The following UGT3A2 variants were observed in gnomAD, a reference collection of about 807,000 sequenced individuals.
UGT3A2 encodes UDP-glycosyltransferase 3A2.
In UGT3A2, 32 loss-of-function variants were observed where a neutral mutation model predicts 39.8. The observed-to-expected ratio is 0.80, with a 90% CI of 0.61 to 1.08. UGT3A2 has a LOEUF of 1.08. UGT3A2 is among the 50% of genes least tolerant of loss of function. The pLI, the probability that UGT3A2 is intolerant of heterozygous loss-of-function variation, is 0.00. For missense variants in UGT3A2, 611 were observed against 637.1 expected (o/e 0.96, Z 0.44); for synonymous variants, 241 against 230.7 (o/e 1.04, Z -0.40).
In UGT3A2 at chr5:36,039,654, A is replaced by G; in HGVS notation, c.898T>C (p.Leu300=). The change falls in exon 5 of 7, where the codon TTG becomes CTG. Residue 300 remains leucine, a synonymous_variant. Coordinates refer to ENST00000282507, the MANE Select transcript of UGT3A2 (RefSeq NM_174914.4). Reference sequence around the variant, plus strand: ...TGACAGGTGTTCACCATGGAGCCCAAGGTCACAAGGACAAAACCAGAGTCC... The same window carrying G: ...TGACAGGTGTTCACCATGGAGCCCAGGGTCACAAGGACAAAACCAGAGTCC... ...FGDSGFVLVT[L]GSMVNTCQNP... 6.2e-7 allele frequency: 1 copy of G among 1,614,218 alleles called. No homozygotes were observed. Among genetic ancestry groups the G allele is most frequent in the East Asian group, 2.2e-5 (1 of 44,886 alleles).
intron 4 of UGT3A2, among the ~76,000 whole-genome samples, chr5:36,046,027 C>T (rs1403031989): frequency 6.6e-6 from 1 of 152,184 alleles, no homozygotes; most frequent in Non-Finnish European, 1.5e-5. Context: ...AAGGTTTGCT[C>T]AGTGTCACTG....
intron 2 of UGT3A2, 120 bp from the exon 3 acceptor site, chr5:36,052,104 A>G: frequency 4.6e-6 from 3 of 659,074 alleles, no homozygotes; most frequent in Non-Finnish European, 7.5e-6. Flanking sequence ...GATTGCTTCA[A>G]GTATTTTTTA....
chr5:36,064,298 G>C lies in UGT3A2; in HGVS notation c.147C>G (p.His49Gln). ...MDRVSQILQD[H>Q]GHNVTMLNHK... Reference sequence around the variant, plus strand: ...GGTTAAGCATGGTGACATTATGACCGTGATCTTGAAGAATCTGAGAAACCC... The same window carrying C: ...GGTTAAGCATGGTGACATTATGACCCTGATCTTGAAGAATCTGAGAAACCC... The change falls in exon 2 of 7, where the codon CAC becomes CAG. Residue 49 changes from histidine to glutamine, a missense_variant. Transcript: ENST00000282507. 2 of 1,614,110 alleles carry C rather than the reference G, an allele frequency of 1.2e-6. No individual in the cohort carries two copies. The highest frequency in any genetic ancestry group is 1.7e-6 in the Non-Finnish European group (2 of 1,180,014).
At chr5:36,052,994 C>A (rs1173404538) in intron 2 of UGT3A2, among the ~76,000 whole-genome samples, 1 of 152,228 alleles carries the variant, frequency 6.6e-6, no homozygotes, top group Non-Finnish European at 1.5e-5. Flanking sequence ...AACAGGCTCT[C>A]AGCCACAGTG....
In UGT3A2 at chr5:36,049,329, T is replaced by G; in HGVS notation, c.403A>C (p.Lys135Gln). 1 of 1,614,104 alleles carries G rather than the reference T, an allele frequency of 6.2e-7. No homozygotes were observed. The highest frequency in any genetic ancestry group is 1.1e-5 in the South Asian group (1 of 91,058). Residue 135 changes from lysine to glutamine, a missense_variant, in exon 4 of 7, where the codon AAG (lysine) becomes CAG (glutamine). Transcript: ENST00000282507. ...ATCACCATGTCGAAGTTCTCATTCT[T>G]TAAGGAATCCATGATATCCTTTCTA... ...LNRKDIMDSLKNENFDMVIVE... is the reference protein window; with the variant it reads ...LNRKDIMDSLQNENFDMVIVE...
At chr5:36,046,942 A>C (rs1459724297) in intron 4 of UGT3A2, among the ~76,000 whole-genome samples, 1 of 152,242 alleles carries the variant, frequency 6.6e-6, no homozygotes, top group Non-Finnish European at 1.5e-5. Context: ...CCCCAAATCT[A>C]AGCCAAAGAG....
intron 1 of UGT3A2, 39 bp from the exon 2 acceptor site, chr5:36,064,389 A>G: frequency 6.4e-7 from 1 of 1,550,538 alleles, no homozygotes. Context: ...GAATGATGAG[A>G]ATACAGTGTC....
chr5:36,056,339 A>C (rs2111753415), intron 2 of UGT3A2, among the ~76,000 whole-genome samples: 1 of 152,254 alleles, frequency 6.6e-6, no homozygotes, highest in South Asian at 2.1e-4. Context: ...AGGGTATAAA[A>C]CCCAAGGTGG....
Position 36,035,680 on chromosome 5 carries a change from C to T in UGT3A2, c.*18G>A, listed in dbSNP as rs1394007907. The T allele has an allele frequency of 3.1e-6, 5 of 1,611,544 alleles. No homozygotes were observed. Among genetic ancestry groups the T allele is most frequent in the Non-Finnish European group, 4.2e-6 (5 of 1,178,102 alleles). On this transcript the variant is annotated 3_prime_UTR_variant, in exon 7 of 7. Coordinates refer to ENST00000282507, the MANE Select transcript of UGT3A2 (RefSeq NM_174914.4). Reference sequence around the variant, plus strand: ...GACATCGCCCACCAAACAGACCCCGCCAAGGCTGCACCTGGCCTTATGTCT... The same window carrying T: ...GACATCGCCCACCAAACAGACCCCGTCAAGGCTGCACCTGGCCTTATGTCT...
chr5:36,041,256 G>T (rs536861307), intron 4 of UGT3A2, among the ~76,000 whole-genome samples: 1 of 152,070 alleles, frequency 6.6e-6, no homozygotes. Context: ...CCCAATTCCA[G>T]GACCCAGTTC....
intron 2 of UGT3A2, among the ~76,000 whole-genome samples, chr5:36,063,926 T>G (rs1412912167): frequency 6.6e-6 from 1 of 152,140 alleles, no homozygotes; most frequent in Non-Finnish European, 1.5e-5. Context: ...GTGAGCCACC[T>G]TGCCCCACCA....
chr5:36,037,749 T>G (rs953826576), intron 6 of UGT3A2, 48 bp downstream of exon 6: 6 of 1,604,938 alleles, frequency 3.7e-6, no homozygotes, highest in Non-Finnish European at 5.1e-6. Flanking sequence ...CCCTTAGTGT[T>G]TTTGCCTTCA....
At chr5:36,065,963 T>C (rs1032398829) in intron 1 of UGT3A2, among the ~76,000 whole-genome samples, 2 of 152,228 alleles carry the variant, frequency 1.3e-5, no homozygotes, top group Non-Finnish European at 2.9e-5. Flanking sequence ...TATATGTTTC[T>C]CTTTTATCTT....
chr5:36,035,593 G>A lies in UGT3A2; in HGVS notation c.*105C>T, dbSNP rs1741791846. 6.8e-7 allele frequency: 1 copy of A among 1,464,908 alleles called. No individual in the cohort carries two copies. The highest frequency in any genetic ancestry group is 9.1e-7 in the Non-Finnish European group (1 of 1,095,722). 90.7% of individuals were successfully genotyped at this position (1,464,908 alleles called of 1,614,324 possible). A position where few individuals can be genotyped will look rare whatever the true frequency, so the allele number is the denominator to read the frequency against. On this transcript the variant is annotated 3_prime_UTR_variant, in exon 7 of 7. Coordinates refer to ENST00000282507, the MANE Select transcript of UGT3A2 (RefSeq NM_174914.4). ...TTTCCTGTTCTTCAAGAAAACAGGA[G>A]ATAACTAGAAGGACTAGAGAATGGG...
intron 2 of UGT3A2, among the ~76,000 whole-genome samples, chr5:36,057,517 T>TTC (rs148807603): frequency 0.011 from 1,577 of 149,808 alleles, 17 homozygotes; most frequent in African/African-American, 0.031. Flanking sequence ...TTTCAGTAGT[T>TTC]TCTCTCTCTC....
intron 4 of UGT3A2, among the ~76,000 whole-genome samples, chr5:36,047,112 G>C (rs1307407851): frequency 6.6e-6 from 1 of 152,188 alleles, no homozygotes. Flanking sequence ...AGGCTAGTCA[G>C]AGACTCCAAA....
chr5:36,046,842 C>A (rs977096082), intron 4 of UGT3A2, among the ~76,000 whole-genome samples: 1 of 152,136 alleles, frequency 6.6e-6, no homozygotes, highest in Non-Finnish European at 1.5e-5. Context: ...TGCTCTGTCC[C>A]AAAAGCAGGC....
At chr5:36,062,625 A>G (rs1436809143) in intron 2 of UGT3A2, among the ~76,000 whole-genome samples, 2 of 152,076 alleles carry the variant, frequency 1.3e-5, no homozygotes, top group African/African-American at 4.8e-5. Context: ...TACCAGTACC[A>G]TGCTGTTTTG....
intron 2 of UGT3A2, among the ~76,000 whole-genome samples, chr5:36,061,119 C>T (rs1742684326): frequency 6.6e-6 from 1 of 152,022 alleles, no homozygotes. Context: ...TTGCAGTGAG[C>T]CAAGATCACA....
Sources: gnomAD v4.1 joint callset for allele counts (sites outside exome capture counted in the v4.1 genomes callset) on GRCh38, gnomAD v4.1.1 for gene constraint, MANE v1.5 for transcripts, NCBI Gene and HGNC (gene_info 2026-07-23, HGNC 2026-07-21) for gene names.